The following COBL variants were observed in gnomAD, a reference collection of about 807,000 sequenced individuals.
COBL encodes the protein cordon-bleu WH2 repeat protein.
In COBL, 51 loss-of-function variants were observed where a neutral mutation model predicts 98.8. That is an observed-to-expected ratio of 0.52 (90% CI 0.41 to 0.65). The LOEUF (loss-of-function observed/expected upper bound fraction) is 0.65. Among genes scored for constraint, COBL ranks in the 30% least tolerant of loss-of-function variants. The probability of loss-of-function intolerance (pLI) is 0.00; values close to 1 mark genes in which losing one functional copy is unlikely to be tolerated. For synonymous variants in COBL, 634 were observed against 651.7 expected (o/e 0.97, Z 0.41); for missense variants, 1,617 against 1,617.5 (o/e 1.00, Z 0.01).
chr7:51,289,058 T>C (rs1422147107), intron 1 of COBL, among the ~76,000 whole-genome samples: 1 of 152,168 alleles, frequency 6.6e-6, no homozygotes, highest in African/African-American at 2.4e-5. Context: ...GAGCCCTGCA[T>C]AGTCTAAAGT....
intron 5 of COBL, among the ~76,000 whole-genome samples, chr7:51,140,833 C>T (rs1360971101): frequency 5.3e-5 from 8 of 152,174 alleles, no homozygotes; most frequent in Non-Finnish European, 1.2e-4. Context: ...CGCTCATTGA[C>T]TTATAATTGA....
chr7:51,024,269 A>G (rs1199115085), intron 12 of COBL, among the ~76,000 whole-genome samples: 1 of 152,162 alleles, frequency 6.6e-6, no homozygotes, highest in Non-Finnish European at 1.5e-5. Context: ...AGATCGCGTC[A>G]CTGCACTCCA....
intron 2 of COBL, among the ~76,000 whole-genome samples, chr7:51,203,228 C>T (rs1214549218): frequency 3.4e-5 from 4 of 117,570 alleles, no homozygotes; most frequent in African/African-American, 8.2e-5. Flanking sequence ...CTTGGGAGGC[C>T]GAGGCGGGCG....
Position 51,221,119 on chromosome 7 carries a change from G to A in COBL, c.42-1175C>T, listed in dbSNP as rs369765543. On this transcript the variant is annotated intron_variant, in intron 1 of 12. Transcript: ENST00000265136. Reference sequence around the variant, plus strand: ...CTCACCTAAAGGCATACAATTATCCGGTGCCTGCACAGACATGGAACTCAG... The same window carrying A: ...CTCACCTAAAGGCATACAATTATCCAGTGCCTGCACAGACATGGAACTCAG... Among the ~76,000 whole-genome samples the A allele has an allele frequency of 2.4e-4, 37 of 152,104 alleles. No homozygotes were observed. The South Asian group carries it at 5.8e-3, about 24-fold the overall frequency.
At chr7:51,252,417 T>A (rs1364453230) in intron 1 of COBL, among the ~76,000 whole-genome samples, 1 of 152,136 alleles carries the variant, frequency 6.6e-6, no homozygotes, top group East Asian at 1.9e-4. Flanking sequence ...ACTGATCCAG[T>A]ATTAATACTT....
chr7:51,038,411 T>G (rs1309420744), intron 8 of COBL, among the ~76,000 whole-genome samples: 2 of 152,184 alleles, frequency 1.3e-5, no homozygotes, highest in African/African-American at 2.4e-5. Context: ...CTTGGACAGG[T>G]GGCAGAGCTC....
At chr7:51,071,941 CTA>C (rs754104610) in intron 7 of COBL, 1 of 148,094 alleles carries the variant, frequency 6.8e-6, no homozygotes, top group Non-Finnish European at 1.5e-5. Flanking sequence ...CTAACTTGTT[CTA>C]TGTTTCATTG....
At chr7:51,133,155 G>T (rs1798909116) in intron 6 of COBL, among the ~76,000 whole-genome samples, 1 of 152,126 alleles carries the variant, frequency 6.6e-6, no homozygotes. Flanking sequence ...AGAGGACAGT[G>T]TGGGCCCCAG....
At chr7:51,024,310 GATAA>G (rs147422169) in intron 12 of COBL, among the ~76,000 whole-genome samples, 19 of 151,218 alleles carry the variant, frequency 1.3e-4, no homozygotes, top group Admixed American at 3.9e-4. Flanking sequence ...CTCCGTCTCA[GATAA>G]ATAAATAAAT....
intron 7 of COBL, among the ~76,000 whole-genome samples, chr7:51,049,633 A>G (rs1790048433): frequency 6.6e-6 from 1 of 152,200 alleles, no homozygotes; most frequent in Non-Finnish European, 1.5e-5. Context: ...TAATTAGAGG[A>G]CACAGGAAAG....
intron 8 of COBL, 26 bp downstream of exon 8, chr7:51,043,357 A>T (rs1352244242): frequency 3.1e-6 from 5 of 1,604,544 alleles, no homozygotes; most frequent in Middle Eastern, 1.7e-4. Flanking sequence ...TGACTTCCGT[A>T]CCCACCCATC....
At chr7:51,176,469 A>T (rs1375702880) in intron 5 of COBL, among the ~76,000 whole-genome samples, 1 of 152,052 alleles carries the variant, frequency 6.6e-6, no homozygotes, top group Non-Finnish European at 1.5e-5. Context: ...TGTTCTCTCT[A>T]TAAAAGTTTC....
rs558913199 is a variant in COBL at position 51,248,032 on chromosome 7, G to A, written c.42-28088C>T. Among the ~76,000 whole-genome samples, 6 of 152,124 alleles carry A rather than the reference G, an allele frequency of 3.9e-5. No homozygotes were observed. In the South Asian group the frequency reaches 8.3e-4, roughly 21 times the overall value. On this transcript the variant is annotated intron_variant, in intron 1 of 12. Coordinates refer to ENST00000265136, the MANE Select transcript of COBL (RefSeq NM_015198.5). ...TGCACGCCTATAATCCCACCTACTC[G>A]GGAGGCTGAGGTGGGAGAATTGTCT...
intron 5 of COBL, among the ~76,000 whole-genome samples, chr7:51,171,916 T>G (rs576587953): frequency 1.3e-5 from 2 of 152,338 alleles, no homozygotes; most frequent in Admixed American, 1.3e-4. Flanking sequence ...TTTTAATAGG[T>G]GATAGTAAAG....
At chr7:51,170,717 G>A (rs970366322) in intron 5 of COBL, among the ~76,000 whole-genome samples, 2 of 151,882 alleles carry the variant, frequency 1.3e-5, no homozygotes, top group African/African-American at 4.8e-5. Context: ...CCCATATGTG[G>A]AATCTAAAAA....
In COBL at chr7:51,175,749, C is replaced by T. The variant is rs539486663; in HGVS notation, c.783+8353G>A. ...GTTAACATCCAGGGAGACACTGCCC[C>T]TTCCTCTGGCTTGCCTGATGGCAGA... On this transcript the variant is annotated intron_variant, in intron 5 of 12. Transcript: ENST00000265136. Among the ~76,000 whole-genome samples, 7 of 152,352 alleles carry T rather than the reference C, an allele frequency of 4.6e-5. No homozygotes were observed. In the East Asian group the frequency reaches 1.3e-3, roughly 29 times the overall value.
chr7:51,078,822 T>G (rs898568897), intron 7 of COBL, among the ~76,000 whole-genome samples: 4 of 152,186 alleles, frequency 2.6e-5, no homozygotes, highest in Non-Finnish European at 4.4e-5. Context: ...TCATGATCAG[T>G]GGACAAAGGG....
chr7:51,292,318 A>G (rs1800982284), intron 1 of COBL, among the ~76,000 whole-genome samples: 1 of 152,222 alleles, frequency 6.6e-6, no homozygotes, highest in African/African-American at 2.4e-5. Context: ...ATGAATCTTC[A>G]AATCAATGAC....
At chr7:51,152,405 T>G (rs1785647356) in intron 5 of COBL, among the ~76,000 whole-genome samples, 1 of 152,160 alleles carries the variant, frequency 6.6e-6, no homozygotes, top group Non-Finnish European at 1.5e-5. Flanking sequence ...TTCACTTTTG[T>G]CCCATCCTCC....
Sources: gnomAD v4.1 joint callset for allele counts (sites outside exome capture counted in the v4.1 genomes callset) on GRCh38, gnomAD v4.1.1 for gene constraint, MANE v1.5 for transcripts, NCBI Gene and HGNC (gene_info 2026-07-23, HGNC 2026-07-21) for gene names.